Variants in LDB3 observed in about 807,000 individuals in gnomAD.
The protein encoded by LDB3 is LIM domain binding 3.
In LDB3, 49 loss-of-function variants were observed where a neutral mutation model predicts 69.0. The observed-to-expected ratio is 0.71, with a 90% CI of 0.56 to 0.90. LDB3 has a LOEUF of 0.90. Among genes scored for constraint, LDB3 ranks in the 40% least tolerant of loss-of-function variants. LDB3 has a pLI of 0.00. For missense variants in LDB3, 928 were observed against 974.1 expected (o/e 0.95, Z 0.63); for synonymous variants, 387 against 396.2 (o/e 0.98, Z 0.28).
At chr10:86,672,334 A>C (rs765924994) in intron 2 of LDB3, among the ~76,000 whole-genome samples, 3 of 152,124 alleles carry the variant, frequency 2.0e-5, no homozygotes, top group Non-Finnish European at 4.4e-5. Context: ...CACCTGGAGC[A>C]CCAGCTCAGA....
intron 8 of LDB3, 147 bp downstream of exon 8, chr10:86,706,866 G>A: frequency 1.2e-6 from 1 of 815,212 alleles, no homozygotes; most frequent in Non-Finnish European, 1.9e-6. Flanking sequence ...TTGGTGCAGA[G>A]TGTGAAGGGG....
At chr10:86,670,138 G>A (rs1195786002) in intron 2 of LDB3, among the ~76,000 whole-genome samples, 1 of 152,146 alleles carries the variant, frequency 6.6e-6, no homozygotes. Context: ...TACAGGAGGG[G>A]TGCTGGCCTG....
chr10:86,670,768 C>T (rs1003008605), intron 2 of LDB3, among the ~76,000 whole-genome samples: 3 of 152,228 alleles, frequency 2.0e-5, no homozygotes, highest in Admixed American at 2.0e-4. Flanking sequence ...TATGGCCTCT[C>T]GGCTTCCTTT....
At chr10:86,686,956 A>C (rs1400724441) in intron 5 of LDB3, 4 of 929,248 alleles carry the variant, frequency 4.3e-6, no homozygotes, top group African/African-American at 3.2e-5. Flanking sequence ...GCTCTGGGAG[A>C]TCTCTCTCGA....
chr10:86,709,870 CCTT>C (rs754977979), intron 8 of LDB3, 32 bp from the exon 9 acceptor site: 15 of 1,603,578 alleles, frequency 9.4e-6, no homozygotes, highest in African/African-American at 4.0e-5. Context: ...TGGGGGCTGT[CCTT>C]CTGGGTGTAA....
chr10:86,732,009 C>CTTTTTT (rs1323088769), intron 13 of LDB3, among the ~76,000 whole-genome samples: 3 of 91,046 alleles, frequency 3.3e-5, no homozygotes, highest in Non-Finnish European at 5.0e-5. Flanking sequence ...CTTTCTTTTT[C>CTTTTTT]TTTTTTTTTT....
In LDB3 at chr10:86,726,391, T is replaced by C. The variant is rs1847258832; in HGVS notation, c.2094+139T>C. Reference sequence around the variant, plus strand: ...CATTTTTAAAAGCTGGCAAACACCATGATGCCTCGATACATCACAGTCGAA... The same window carrying C: ...CATTTTTAAAAGCTGGCAAACACCACGATGCCTCGATACATCACAGTCGAA... On this transcript the variant is annotated intron_variant, in intron 13 of 13. Transcript: ENST00000361373. The C allele has an allele frequency of 5.6e-6, 4 of 714,626 alleles. No individual in the cohort carries two copies. In the Admixed American group the frequency reaches 6.0e-5, roughly 11 times the overall value. The allele number at this position is 714,626 out of a possible 1,614,324, so 44.3% of individuals were successfully genotyped here. A position where few individuals can be genotyped will look rare whatever the true frequency, so the allele number is the denominator to read the frequency against.
At chr10:86,728,622 C>T (rs1354025657) in intron 13 of LDB3, among the ~76,000 whole-genome samples, 12 of 115,314 alleles carry the variant, frequency 1.0e-4, no homozygotes, top group African/African-American at 4.0e-4. Context: ...CTTGCTCTGT[C>T]GCCAGGCTGG....
At chr10:86,694,569 C>A (rs912874166) in intron 7 of LDB3, among the ~76,000 whole-genome samples, 1 of 152,180 alleles carries the variant, frequency 6.6e-6, no homozygotes, top group Non-Finnish European at 1.5e-5. Flanking sequence ...CCAGCCTCTG[C>A]CCAGGTCTGG....
At chr10:86,713,265 A>G (rs1037277966) in intron 9 of LDB3, among the ~76,000 whole-genome samples, 2 of 151,980 alleles carry the variant, frequency 1.3e-5, no homozygotes, top group Admixed American at 6.6e-5. Flanking sequence ...TTATTTTTTG[A>G]GATGGAGTTT....
At chr10:86,684,039 G>A (rs933042980) in intron 5 of LDB3, among the ~76,000 whole-genome samples, 3 of 152,212 alleles carry the variant, frequency 2.0e-5, no homozygotes, top group African/African-American at 4.8e-5. Context: ...AGCCCCTTCC[G>A]CTACTCTCTC....
At chr10:86,683,624 C>T (rs1220165192) in intron 5 of LDB3, among the ~76,000 whole-genome samples, 1 of 152,200 alleles carries the variant, frequency 6.6e-6, no homozygotes, top group African/African-American at 2.4e-5. Flanking sequence ...ACGTTTCCTC[C>T]AAGGGATGGT....
intron 5 of LDB3, among the ~76,000 whole-genome samples, chr10:86,685,202 C>G (rs770643985): frequency 2.0e-5 from 3 of 152,220 alleles, no homozygotes; most frequent in Non-Finnish European, 2.9e-5. Flanking sequence ...AATGCCTGCT[C>G]AGGACAGAAT....
intron 3 of LDB3, 141 bp from the exon 4 acceptor site, chr10:86,679,941 G>T (rs1845019008): frequency 6.5e-6 from 5 of 765,320 alleles, no homozygotes; most frequent in Admixed American, 6.0e-5. Context: ...GGTGGACAGT[G>T]GATCTGGGGC....
chr10:86,711,232 G>A (rs1169832248), intron 9 of LDB3, among the ~76,000 whole-genome samples: 1 of 152,112 alleles, frequency 6.6e-6, no homozygotes, highest in Non-Finnish European at 1.5e-5. Context: ...CACCTTCCGG[G>A]GCGGCCTCCG....
chr10:86,698,344 A>AC (rs549046122), intron 7 of LDB3, among the ~76,000 whole-genome samples: 2,445 of 152,330 alleles, frequency 0.016, 51 homozygotes, highest in African/African-American at 0.049. Context: ...TTGAGTTGGA[A>AC]GCACCGTACA....
intron 13 of LDB3, among the ~76,000 whole-genome samples, chr10:86,730,878 C>T (rs542243152): frequency 1.1e-4 from 16 of 152,176 alleles, no homozygotes; most frequent in East Asian, 3.9e-4. Context: ...TTGGGCTGGG[C>T]GTGGTGGCTC....
chr10:86,720,171 G>A (rs1453039969), intron 12 of LDB3, among the ~76,000 whole-genome samples: 3 of 152,200 alleles, frequency 2.0e-5, no homozygotes, highest in African/African-American at 2.4e-5. Flanking sequence ...TTGGCTGGGC[G>A]CGGTGGCTCA....
At chr10:86,704,671 C>G (rs1413762208) in intron 7 of LDB3, among the ~76,000 whole-genome samples, 4 of 151,992 alleles carry the variant, frequency 2.6e-5, no homozygotes, top group Non-Finnish European at 5.9e-5. Context: ...GCTCCACCTC[C>G]TGGGTTCACG....
Sources: allele counts gnomAD v4.1 joint callset (sites outside exome capture counted in the v4.1 genomes callset), GRCh38; gene constraint gnomAD v4.1.1; transcripts MANE v1.5; gene names NCBI Gene and HGNC (gene_info 2026-07-23, HGNC 2026-07-21).